KIAA1549L: variants seen among roughly 807,000 people sequenced by gnomAD.
The protein encoded by KIAA1549L is UPF0606 protein KIAA1549L.
In KIAA1549L, 88 loss-of-function variants were observed where a neutral mutation model predicts 160.7. The observed-to-expected ratio is 0.55, with a 90% CI of 0.46 to 0.65. The LOEUF (loss-of-function observed/expected upper bound fraction) is 0.65. Among genes scored for constraint, KIAA1549L ranks in the 30% least tolerant of loss-of-function variants. The pLI is 0.00. For synonymous variants in KIAA1549L, 950 were observed against 976.7 expected (o/e 0.97, Z 0.51); for missense variants, 2,258 against 2,437.5 (o/e 0.93, Z 1.55).
At chr11:33,510,145 C>T (rs1448653561) in intron 1 of KIAA1549L, among the ~76,000 whole-genome samples, 2 of 152,058 alleles carry the variant, frequency 1.3e-5, no homozygotes, top group Non-Finnish European at 2.9e-5. Context: ...CACTCTCTCT[C>T]TCATGTCTCT....
At chr11:33,432,638 C>T (rs1008528828) in intron 1 of KIAA1549L, among the ~76,000 whole-genome samples, 1 of 152,034 alleles carries the variant, frequency 6.6e-6, no homozygotes, top group Non-Finnish European at 1.5e-5. Context: ...CAATTCTAAG[C>T]AAAAAGAACA....
chr11:33,661,366 G>A (rs924083387), intron 20 of KIAA1549L, among the ~76,000 whole-genome samples: 2 of 152,082 alleles, frequency 1.3e-5, no homozygotes, highest in African/African-American at 4.8e-5. Context: ...ACAATCTTAG[G>A]TAGGTATTAT....
intron 1 of KIAA1549L, among the ~76,000 whole-genome samples, chr11:33,418,011 T>A (rs1850922758): frequency 6.6e-6 from 1 of 152,328 alleles, no homozygotes; most frequent in Non-Finnish European, 1.5e-5. Context: ...ACTCCTGACC[T>A]CAAGTGATCC....
At chr11:33,397,475 C>A (rs1161874312) in intron 1 of KIAA1549L, among the ~76,000 whole-genome samples, 1 of 151,312 alleles carries the variant, frequency 6.6e-6, no homozygotes, top group African/African-American at 2.4e-5. Flanking sequence ...TTTTGGGAGA[C>A]CAAGGTGGGC....
intron 16 of KIAA1549L, among the ~76,000 whole-genome samples, chr11:33,635,367 C>G (rs1851410429): frequency 6.6e-6 from 1 of 152,220 alleles, no homozygotes; most frequent in South Asian, 2.1e-4. Flanking sequence ...CTGAAACCCC[C>G]ACTCGGTCTC....
At chr11:33,627,480 T>C (rs1438672991) in intron 16 of KIAA1549L, among the ~76,000 whole-genome samples, 2 of 152,092 alleles carry the variant, frequency 1.3e-5, no homozygotes, top group African/African-American at 4.8e-5. Flanking sequence ...CCTGGTTTAG[T>C]CTTCGGAGAG....
intron 1 of KIAA1549L, among the ~76,000 whole-genome samples, chr11:33,427,112 A>G (rs942577201): frequency 1.3e-5 from 2 of 152,178 alleles, no homozygotes; most frequent in African/African-American, 2.4e-5. Context: ...AGTTTATACC[A>G]TGAACCTCAA....
chr11:33,459,960 C>CAAAAAAAAAAAA (rs61580338), intron 1 of KIAA1549L, among the ~76,000 whole-genome samples: 23 of 67,154 alleles, frequency 3.4e-4, no homozygotes, highest in Middle Eastern at 7.6e-3. Flanking sequence ...GACTCCGTCT[C>CAAAAAAAAAAAA]AAAAAAAAAA....
chr11:33,535,364 T>C (rs189873799), intron 1 of KIAA1549L, among the ~76,000 whole-genome samples: 5 of 152,204 alleles, frequency 3.3e-5, no homozygotes, highest in Non-Finnish European at 7.4e-5. Context: ...CCATCTCCTA[T>C]TCTGTTGTTA....
At chr11:33,628,288 A>T (rs1394107208) in intron 16 of KIAA1549L, among the ~76,000 whole-genome samples, 3 of 151,978 alleles carry the variant, frequency 2.0e-5, no homozygotes, top group Non-Finnish European at 2.9e-5. Flanking sequence ...AGTTCTGTAG[A>T]TGTCTATTAG....
intron 1 of KIAA1549L, among the ~76,000 whole-genome samples, chr11:33,466,888 T>C (rs1289984099): frequency 6.6e-6 from 1 of 150,560 alleles, no homozygotes; most frequent in East Asian, 2.0e-4. Context: ...AAACACCACA[T>C]GTTCTCACTC....
intron 1 of KIAA1549L, among the ~76,000 whole-genome samples, chr11:33,415,826 C>T (rs571048336): frequency 2.0e-5 from 3 of 152,072 alleles, no homozygotes; most frequent in South Asian, 2.1e-4. Context: ...TTTTTTGAGA[C>T]GGAGTTTCAC....
intron 20 of KIAA1549L, among the ~76,000 whole-genome samples, chr11:33,667,115 C>G (rs532150254): frequency 6.6e-6 from 1 of 152,170 alleles, no homozygotes; most frequent in African/African-American, 2.4e-5. Context: ...GAGAATCACT[C>G]GAGCCCCAGA....
intron 1 of KIAA1549L, among the ~76,000 whole-genome samples, chr11:33,503,263 GTAT>G (rs1852995432): frequency 6.6e-6 from 1 of 152,186 alleles, no homozygotes; most frequent in Non-Finnish European, 1.5e-5. Context: ...GTTGGCATGT[GTAT>G]TTGTGATTCT....
At chr11:33,589,011 A>C (rs1849965089) in intron 11 of KIAA1549L, among the ~76,000 whole-genome samples, 1 of 152,220 alleles carries the variant, frequency 6.6e-6, no homozygotes, top group Non-Finnish European at 1.5e-5. Context: ...TGGATTGTTA[A>C]ATCCGCTGGA....
intron 1 of KIAA1549L, among the ~76,000 whole-genome samples, chr11:33,532,918 A>G (rs1853807511): frequency 6.6e-6 from 1 of 152,188 alleles, no homozygotes; most frequent in South Asian, 2.1e-4. Context: ...AAAGAAAGGG[A>G]CACTGCTGAT....
At chr11:33,500,254 A>G (rs1297871798) in intron 1 of KIAA1549L, among the ~76,000 whole-genome samples, 4 of 152,194 alleles carry the variant, frequency 2.6e-5, no homozygotes, top group Non-Finnish European at 5.9e-5. Flanking sequence ...TTCAAGATCG[A>G]GTCAGGATTT....
chr11:33,380,806 T>C (rs1048470792), intron 1 of KIAA1549L, among the ~76,000 whole-genome samples: 10 of 152,112 alleles, frequency 6.6e-5, no homozygotes, highest in Non-Finnish European at 1.2e-4. Flanking sequence ...TTTAGAACAG[T>C]GTGTGGGGAG....
chr11:33,410,981 CAAGGACCAGTTTAGGGGAGTGGGCTTTGG>C lies in KIAA1549L; in HGVS notation c.238+34115_238+34143del, dbSNP rs369663837. Among the ~76,000 whole-genome samples the C allele has an allele frequency of 5.9e-3, 904 of 152,232 alleles. 11 individuals carry two copies. Among genetic ancestry groups the C allele is most frequent in the African/African-American group, 0.02 (851 of 41,544 alleles). On this transcript the variant is annotated intron_variant, in intron 1 of 20. Coordinates refer to ENST00000658780, the MANE Select transcript of KIAA1549L (RefSeq NM_012194.3). ...GGAAAAGTGACTGGATTTGGCCACA[CAAGGACCAGTTTAGGGGAGTGGGCTTTGG>C]AAGGACCAGTTTAGGGGAGTGGAGC...
Sources: allele counts gnomAD v4.1 joint callset (sites outside exome capture counted in the v4.1 genomes callset), GRCh38; gene constraint gnomAD v4.1.1; transcripts MANE v1.5; gene names NCBI Gene and HGNC (gene_info 2026-07-23, HGNC 2026-07-21).